Variants in OLFM3 observed in about 807,000 individuals in gnomAD.
The protein encoded by OLFM3 is noelin-3.
In OLFM3, 20 loss-of-function variants were observed where a neutral mutation model predicts 48.6. The observed-to-expected ratio is 0.41, with a 90% CI of 0.29 to 0.60. The LOEUF is 0.60. Among genes scored for constraint, OLFM3 ranks in the 20% least tolerant of loss-of-function variants. The pLI is 0.28. For missense variants in OLFM3, 437 were observed against 544.3 expected (o/e 0.80, Z 1.96); for synonymous variants, 222 against 198.1 (o/e 1.12, Z -1.01).
intron 4 of OLFM3, among the ~76,000 whole-genome samples, chr1:101,817,701 A>T (rs2100882458): frequency 6.6e-6 from 1 of 152,168 alleles, no homozygotes; most frequent in East Asian, 1.9e-4. Context: ...ATGCCCTTAT[A>T]AACAAATTAA....
chr1:101,828,136 C>T (rs1654974994), intron 3 of OLFM3, among the ~76,000 whole-genome samples: 1 of 151,528 alleles, frequency 6.6e-6, no homozygotes. Context: ...TGTAAGTTTC[C>T]TGAGGCCTCC....
chr1:101,954,319 A>G (rs1044522654), intron 1 of OLFM3, among the ~76,000 whole-genome samples: 2 of 152,116 alleles, frequency 1.3e-5, no homozygotes, highest in African/African-American at 2.4e-5. Flanking sequence ...TCAAATTTAC[A>G]TGTAGGAATG....
chr1:101,927,056 C>G (rs560989962), intron 1 of OLFM3, among the ~76,000 whole-genome samples: 1 of 152,202 alleles, frequency 6.6e-6, no homozygotes, highest in East Asian at 1.9e-4. Flanking sequence ...AGCTTGAAAT[C>G]TTTTTAGAAT....
chr1:101,821,402 G>A lies in OLFM3; in HGVS notation c.592+3624C>T, dbSNP rs542819006. 7.2e-5 allele frequency among the ~76,000 whole-genome samples: 11 copies of A among 151,996 alleles called. No homozygotes were observed. The East Asian group carries it at 1.9e-3, about 27-fold the overall frequency. ...TACCACACATCTTCTTTCAAGTAGA[G>A]TGGCTCTTTTAAAAATAAAAATATG... On this transcript the variant is annotated intron_variant, in intron 4 of 5. Transcript: ENST00000370103.
chr1:101,911,402 A>G (rs1276292982), intron 1 of OLFM3, among the ~76,000 whole-genome samples: 1 of 152,198 alleles, frequency 6.6e-6, no homozygotes, highest in East Asian at 1.9e-4. Context: ...GTGAGGTAAA[A>G]TAGATAAATG....
At position 101,967,590 on chromosome 1, in the gene OLFM3, G is replaced by GA. The variant is rs71592233; in HGVS notation, c.69+29157dup. Among the ~76,000 whole-genome samples the GA allele has an allele frequency of 8.2e-3, 366 of 44,368 alleles. 9 individuals are homozygous for GA. Among genetic ancestry groups the GA allele is most frequent in the South Asian group, 0.012 (9 of 724 alleles). The allele number at this position is 44,368 out of a possible 152,430, so 29.1% of individuals were successfully genotyped here. A position where few individuals can be genotyped will look rare whatever the true frequency, so the allele number is the denominator to read the frequency against. On this transcript the variant is annotated intron_variant, in intron 1 of 5. Coordinates refer to ENST00000370103, the MANE Select transcript of OLFM3 (RefSeq NM_058170.4). ...CCTTTTTACTTCCATCCTAGTCAGT[G>GA]AAAAAAAAAAAAAAAAAAAAAAAAG...
chr1:101,830,630 A>G (rs772956799), intron 3 of OLFM3, 42 bp downstream of exon 3: 4 of 1,609,264 alleles, frequency 2.5e-6, no homozygotes, highest in Middle Eastern at 1.7e-4. Flanking sequence ...ATCCCACTCC[A>G]TGTCTGATTT....
chr1:101,830,000 A>C (rs942608706), intron 3 of OLFM3, among the ~76,000 whole-genome samples: 1 of 151,488 alleles, frequency 6.6e-6, no homozygotes, highest in Non-Finnish European at 1.5e-5. Flanking sequence ...ACACCCGGCT[A>C]ATTTTTTTTT....
At chr1:101,912,590 G>T (rs918602575) in intron 1 of OLFM3, among the ~76,000 whole-genome samples, 3 of 152,230 alleles carry the variant, frequency 2.0e-5, no homozygotes, top group African/African-American at 7.2e-5. Context: ...ATGCTAAGGG[G>T]ATATAAGACA....
chr1:101,966,247 T>C (rs1660603411), intron 1 of OLFM3, among the ~76,000 whole-genome samples: 1 of 152,084 alleles, frequency 6.6e-6, no homozygotes, highest in Non-Finnish European at 1.5e-5. Context: ...TCACTGCAGC[T>C]TTGGTCTCCC....
chr1:101,944,049 A>T (rs1374119967), intron 1 of OLFM3, among the ~76,000 whole-genome samples: 3 of 121,784 alleles, frequency 2.5e-5, no homozygotes, highest in Admixed American at 1.6e-4. Context: ...ATATATTTTT[A>T]TATATATATA....
intron 1 of OLFM3, among the ~76,000 whole-genome samples, chr1:101,969,049 A>G (rs1660701991): frequency 6.6e-6 from 1 of 152,206 alleles, no homozygotes; most frequent in African/African-American, 2.4e-5. Flanking sequence ...TGGTGATGAC[A>G]TTAGTGACCC....
rs1187968976 is a variant in OLFM3 at position 101,844,133 on chromosome 1, G to A, written c.70-7108C>T. ...AAGGGTCCCTTGGAATTATTTGAGA[G>A]GCAGCAGGAAGAATCCCCTAAGCAA... On this transcript the variant is annotated intron_variant, in intron 1 of 5. Transcript: ENST00000370103. 2.6e-5 allele frequency among the ~76,000 whole-genome samples: 4 copies of A among 152,254 alleles called. No individual in the cohort carries two copies. In the East Asian group the frequency reaches 7.7e-4, roughly 29 times the overall value.
At chr1:101,882,908 T>C (rs1244037495) in intron 1 of OLFM3, 1 of 151,902 alleles carries the variant, frequency 6.6e-6, no homozygotes, top group Non-Finnish European at 1.5e-5. Context: ...AAAGTAGACA[T>C]GAAAAATAAA....
intron 2 of OLFM3, among the ~76,000 whole-genome samples, chr1:101,834,666 A>G (rs937318741): frequency 3.9e-5 from 6 of 152,200 alleles, no homozygotes; most frequent in Admixed American, 2.6e-4. Context: ...CTCTAAAACT[A>G]CCATATGGTA....
At chr1:101,828,095 A>G (rs1422753570) in intron 3 of OLFM3, among the ~76,000 whole-genome samples, 1 of 120,412 alleles carries the variant, frequency 8.3e-6, no homozygotes, top group Non-Finnish European at 1.8e-5. Context: ...TGCCTTGTGA[A>G]GAAGGTGACT....
intron 1 of OLFM3, among the ~76,000 whole-genome samples, chr1:101,905,423 A>G (rs1658520256): frequency 1.3e-5 from 2 of 152,196 alleles, no homozygotes; most frequent in Non-Finnish European, 2.9e-5. Flanking sequence ...AATACTCTGT[A>G]TCCAGACTGG....
At chr1:101,805,464 A>G (rs1653725435) in intron 5 of OLFM3, among the ~76,000 whole-genome samples, 1 of 151,792 alleles carries the variant, frequency 6.6e-6, no homozygotes, top group Non-Finnish European at 1.5e-5. Flanking sequence ...TTTAGAAATA[A>G]CCCTAGAGAA....
intron 1 of OLFM3, among the ~76,000 whole-genome samples, chr1:101,839,185 C>T (rs1475572143): frequency 6.6e-6 from 1 of 152,140 alleles, no homozygotes; most frequent in Non-Finnish European, 1.5e-5. Flanking sequence ...GTTTCCAATG[C>T]TGCCTTTTAT....
Sources: gnomAD v4.1 joint callset for allele counts (sites outside exome capture counted in the v4.1 genomes callset) on GRCh38, gnomAD v4.1.1 for gene constraint, MANE v1.5 for transcripts, NCBI Gene and HGNC (gene_info 2026-07-23, HGNC 2026-07-21) for gene names.